The following SPATA6 variants were observed in gnomAD, a reference collection of about 807,000 sequenced individuals.
SPATA6 encodes the protein spermatogenesis associated 6.
In SPATA6, 56 loss-of-function variants were observed where a neutral mutation model predicts 65.3. That is an observed-to-expected ratio of 0.86 (90% CI 0.69 to 1.07). The LOEUF is 1.07. Ranked by LOEUF, SPATA6 falls within the 50% of genes least tolerant of loss-of-function variation. The pLI is 0.00. For missense variants in SPATA6, 590 were observed against 594.8 expected, an observed-to-expected ratio of 0.99 and a Z score of 0.08; for synonymous variants, 199 against 213.2, an observed-to-expected ratio of 0.93 and a Z score of 0.58.
At chr1:48,333,945 G>A (rs1410879136) in intron 11 of SPATA6, among the ~76,000 whole-genome samples, 2 of 152,070 alleles carry the variant, frequency 1.3e-5, no homozygotes, top group Non-Finnish European at 1.5e-5. Flanking sequence ...ATGACAAAGG[G>A]AATATTACTA....
At chr1:48,291,298 G>A (rs541480893), downstream of SPATA6, among the ~76,000 whole-genome samples, 17 of 152,264 alleles carry the variant, frequency 1.1e-4, no homozygotes, top group South Asian at 3.5e-3. Context: ...GAGCTCCCAG[G>A]AGATTATGTC....
At chr1:48,277,099 CTTT>C in the SPATA6 span, among the ~76,000 whole-genome samples, 1 of 126,450 alleles carries the variant, frequency 7.9e-6, no homozygotes. Flanking sequence ...TTGTTTTTTG[CTTT>C]TTTTTTTTTT....
At chr1:48,418,191 A>G (rs1345031493) in intron 3 of SPATA6, among the ~76,000 whole-genome samples, 1 of 152,160 alleles carries the variant, frequency 6.6e-6, no homozygotes, top group Non-Finnish European at 1.5e-5. Context: ...AGACTTTTCT[A>G]TCAACCCTCA....
At chr1:48,402,266 T>C (rs1269378576) in intron 6 of SPATA6, among the ~76,000 whole-genome samples, 1 of 152,192 alleles carries the variant, frequency 6.6e-6, no homozygotes, top group African/African-American at 2.4e-5. Context: ...AGAAATGGCT[T>C]TCACCAAGCT....
chr1:48,362,902 G>A lies in SPATA6; in HGVS notation c.910-3132C>T, dbSNP rs936142897. ...GATACATTGTACAAGAATCTTAAAT[G>A]CTGTAACTCAACAGTATTCAAGATT... is the stretch of plus-strand genomic sequence containing the variant. On this transcript the variant is annotated intron_variant, in intron 9 of 12. Transcript: ENST00000371847. 2.8e-4 allele frequency among the ~76,000 whole-genome samples: 42 copies of A among 152,282 alleles called. 1 individual carries two copies. Among genetic ancestry groups the A allele is most frequent in the African/African-American group, 1.0e-3 (42 of 41,586 alleles).
intron 11 of SPATA6, among the ~76,000 whole-genome samples, chr1:48,338,833 G>T (rs1470122486): frequency 6.6e-6 from 1 of 152,008 alleles, no homozygotes; most frequent in African/African-American, 2.4e-5. Context: ...TACTTAAAAT[G>T]TATCACAAAG....
At chr1:48,281,882 C>G in the SPATA6 span, among the ~76,000 whole-genome samples, 1 of 152,316 alleles carries the variant, frequency 6.6e-6, no homozygotes, top group African/African-American at 2.4e-5. Flanking sequence ...CCAAGTCAAT[C>G]CTAAGCCAAA....
intron 7 of SPATA6, 55 bp from the exon 8 acceptor site, chr1:48,395,409 A>T: frequency 7.7e-7 from 1 of 1,293,088 alleles, no homozygotes; most frequent in East Asian, 2.7e-5. Flanking sequence ...CTAGACTTTC[A>T]ATCTCATGGT....
chr1:48,339,657 G>A (rs1359499339), intron 11 of SPATA6, among the ~76,000 whole-genome samples: 1 of 151,868 alleles, frequency 6.6e-6, no homozygotes, highest in East Asian at 1.9e-4. Context: ...GAATTTAACA[G>A]CAGATCAGAA....
chr1:48,471,925 T>C (rs1231335213), intron 1 of SPATA6, 33 bp downstream of exon 1: 1 of 1,601,980 alleles, frequency 6.2e-7, no homozygotes, highest in Non-Finnish European at 8.5e-7. Context: ...CCTGAGCCAA[T>C]GCCCGGGGGT....
intron 12 of SPATA6, among the ~76,000 whole-genome samples, chr1:48,304,194 A>T (rs1645004782): frequency 6.6e-6 from 1 of 152,186 alleles, no homozygotes; most frequent in Admixed American, 6.5e-5. Flanking sequence ...TATCAAAGAT[A>T]CTCTTCTGAA....
At chr1:48,454,968 C>T (rs1049306603) in intron 1 of SPATA6, among the ~76,000 whole-genome samples, 2 of 152,202 alleles carry the variant, frequency 1.3e-5, no homozygotes, top group Non-Finnish European at 2.9e-5. Flanking sequence ...TCCTTTTGTA[C>T]ATACTAATTA....
intron 11 of SPATA6, among the ~76,000 whole-genome samples, 186 bp from the exon 12 acceptor site, chr1:48,306,064 A>G (rs1645054790): frequency 6.6e-6 from 1 of 152,040 alleles, no homozygotes; most frequent in African/African-American, 2.4e-5. Context: ...TTTCAACAAA[A>G]CAATACAGTT....
chr1:48,454,107 T>C (rs1189535086), intron 1 of SPATA6, among the ~76,000 whole-genome samples: 1 of 151,672 alleles, frequency 6.6e-6, no homozygotes. Context: ...ATCCTCATTG[T>C]GATTGACAGG....
intron 9 of SPATA6, among the ~76,000 whole-genome samples, chr1:48,381,711 T>TA: frequency 6.8e-6 from 1 of 148,074 alleles, no homozygotes; most frequent in African/African-American, 2.5e-5. Context: ...TTAATTTATT[T>TA]ATTTTTTATT....
At chr1:48,432,001 G>A (rs1654450507) in intron 3 of SPATA6, among the ~76,000 whole-genome samples, 1 of 152,064 alleles carries the variant, frequency 6.6e-6, no homozygotes, top group Admixed American at 6.5e-5. Context: ...CCCCAGCTAT[G>A]TGGGAGCCTG....
At chr1:48,432,068 C>T (rs1239279819) in intron 3 of SPATA6, among the ~76,000 whole-genome samples, 4 of 152,106 alleles carry the variant, frequency 2.6e-5, no homozygotes, top group Non-Finnish European at 5.9e-5. Flanking sequence ...TGAGAACACA[C>T]CACTGCACTC....
intron 12 of SPATA6, among the ~76,000 whole-genome samples, chr1:48,299,343 A>AT (rs1557521580): frequency 6.6e-6 from 1 of 151,442 alleles, no homozygotes; most frequent in East Asian, 2.0e-4. Context: ...GAGAAACCCC[A>AT]TATCTACTAA....
At chr1:48,399,266 G>A (rs1650906869) in intron 7 of SPATA6, 85 bp downstream of exon 7, 17 of 1,411,264 alleles carry the variant, frequency 1.2e-5, no homozygotes, top group Non-Finnish European at 1.5e-5. Flanking sequence ...ATATAAGCTA[G>A]AAGTTGAAAG....
Sources: gnomAD v4.1 joint callset for allele counts (sites outside exome capture counted in the v4.1 genomes callset) on GRCh38, gnomAD v4.1.1 for gene constraint, MANE v1.5 for transcripts, NCBI Gene and HGNC (gene_info 2026-07-23, HGNC 2026-07-21) for gene names.